The following CCDC152 variants were observed in gnomAD, a reference collection of about 807,000 sequenced individuals.
CCDC152 encodes coiled-coil domain-containing protein 152.
Under a neutral mutation model 38.1 loss-of-function variants are expected in CCDC152, and 37 were observed. The ratio of observed to expected loss-of-function variants is 0.97; its 90% CI spans 0.75 to 1.28. The LOEUF is 1.28. Among genes scored for constraint, CCDC152 ranks in the 50% most tolerant of loss-of-function variants. The probability of loss-of-function intolerance (pLI) is 0.00; values close to 1 mark genes in which losing one functional copy is unlikely to be tolerated. For synonymous variants in CCDC152, 83 were observed against 87.1 expected, an observed-to-expected ratio of 0.95 and a Z score of 0.26; for missense variants, 259 against 292.1, an observed-to-expected ratio of 0.89 and a Z score of 0.83.
Position 42,800,561 on chromosome 5 carries a change from T to C in CCDC152, c.*780T>C. 1 of 834,210 alleles carries C rather than the reference T, an allele frequency of 1.2e-6. No individual in the cohort carries two copies. The highest frequency in any genetic ancestry group is 1.8e-6 in the Non-Finnish European group (1 of 556,700). The allele number at this position is 834,210 out of a possible 1,614,324, so 51.7% of individuals were successfully genotyped here. ...AATATGGTTTGAGTCAATATTTCTA[T>C]GACATAAAATTTAAAATCTGGAAGC... On this transcript the variant is annotated 3_prime_UTR_variant, in exon 9 of 9. Transcript: ENST00000361970.
chr5:42,760,132 G>A lies in CCDC152; in HGVS notation c.87+924G>A, dbSNP rs191259644. ...ATTCTGGCTAACACGGTGAAACCCC[G>A]TCTCTACTTAAAATACAAAAAATTA... is the stretch of plus-strand genomic sequence containing the variant. On this transcript the variant is annotated intron_variant, in intron 2 of 8. Coordinates refer to ENST00000361970, the MANE Select transcript of CCDC152 (RefSeq NM_001134848.2). 2.0e-3 allele frequency among the ~76,000 whole-genome samples: 297 copies of A among 151,964 alleles called. 1 individual carries two copies. Among genetic ancestry groups the A allele is most frequent in the Middle Eastern group, 0.014 (4 of 294 alleles).
At chr5:42,796,577 C>A (rs1202520513) in intron 6 of CCDC152, among the ~76,000 whole-genome samples, 4 of 152,048 alleles carry the variant, frequency 2.6e-5, no homozygotes, top group African/African-American at 9.7e-5. Context: ...ATTTTCCAGG[C>A]CTTTGATGTT....
At chr5:42,779,657 G>A (rs899973081) in intron 5 of CCDC152, 135 bp downstream of exon 5, 7 of 458,268 alleles carry the variant, frequency 1.5e-5, no homozygotes, top group Admixed American at 8.0e-5. Context: ...GGAGATATAC[G>A]TATATATGCC....
chr5:42,797,959 C>T (rs981329397), intron 7 of CCDC152, among the ~76,000 whole-genome samples: 3 of 151,894 alleles, frequency 2.0e-5, no homozygotes, highest in African/African-American at 7.3e-5. Flanking sequence ...ACCAACCAGG[C>T]CAACGTGGTG....
chr5:42,759,011 T>A (rs1405432629), intron 1 of CCDC152, 109 bp from the exon 2 acceptor site: 1 of 700,142 alleles, frequency 1.4e-6, no homozygotes, highest in Admixed American at 3.4e-5. Flanking sequence ...CCCAAGTAGG[T>A]GCCCTATGAG....
In CCDC152 at chr5:42,796,229, C is replaced by T. The variant is rs555590803; in HGVS notation, c.431-600C>T. ...CACATGGTGCACATGTACCCTAAAA[C>T]TTAAAGTATAATAATAATAAAATTA... On this transcript the variant is annotated intron_variant, in intron 6 of 8. Transcript: ENST00000361970. 1.0e-4 allele frequency among the ~76,000 whole-genome samples: 15 copies of T among 149,394 alleles called. No individual in the cohort carries two copies. The East Asian group carries it at 2.0e-3, about 19-fold the overall frequency.
intron 6 of CCDC152, among the ~76,000 whole-genome samples, chr5:42,784,470 GTTGAT>G (rs1389766764): frequency 6.6e-6 from 1 of 152,020 alleles, no homozygotes; most frequent in East Asian, 1.9e-4. Flanking sequence ...TTTTTGTCTT[GTTGAT>G]TTGTTTAACT....
At position 42,801,930 on chromosome 5, in the gene CCDC152, A is replaced by C. The variant is rs1760214772; in HGVS notation, c.*2149A>C. 6.6e-6 allele frequency: 1 copy of C among 152,374 alleles called. No individual in the cohort carries two copies. Among genetic ancestry groups the C allele is most frequent in the Non-Finnish European group, 1.5e-5 (1 of 68,158 alleles). The allele number at this position is 152,374 out of a possible 1,614,324, so 9.4% of individuals were successfully genotyped here. A position where few individuals can be genotyped will look rare whatever the true frequency, so the allele number is the denominator to read the frequency against. ...AGACCCTATCTCAAAAAAATAAAAA[A>C]TAAATAAAAAATCAGTTGAACTATA... On this transcript the variant is annotated 3_prime_UTR_variant, in exon 9 of 9. Coordinates refer to ENST00000361970, the MANE Select transcript of CCDC152 (RefSeq NM_001134848.2).
rs113846987 is a variant in CCDC152, at chr5:42,788,330, C to CA, written c.430+4764dup. Among the ~76,000 whole-genome samples, 451 of 134,806 alleles carry CA rather than the reference C, an allele frequency of 3.3e-3. 4 individuals carry two copies. The highest frequency in any genetic ancestry group is 8.2e-3 in the African/African-American group (301 of 36,572). The allele number at this position is 134,806 out of a possible 152,430, so 88.4% of individuals were successfully genotyped here. Reference sequence around the variant, plus strand: ...TCATTAGACTATTTAAGGTCAATGCCAAAAAAAAAACAAAAAACCCTCAAA... The same window carrying CA: ...TCATTAGACTATTTAAGGTCAATGCCAAAAAAAAAAACAAAAAACCCTCAAA... On this transcript the variant is annotated intron_variant, in intron 6 of 8. Coordinates refer to ENST00000361970, the MANE Select transcript of CCDC152 (RefSeq NM_001134848.2).
At chr5:42,786,738 T>C (rs1022222233) in intron 6 of CCDC152, among the ~76,000 whole-genome samples, 5 of 152,044 alleles carry the variant, frequency 3.3e-5, no homozygotes, top group East Asian at 1.9e-4. Flanking sequence ...AGGTGCAACG[T>C]TGGGTTGTTA....
At chr5:42,793,677 C>T (rs911624567) in intron 6 of CCDC152, among the ~76,000 whole-genome samples, 6 of 152,112 alleles carry the variant, frequency 3.9e-5, no homozygotes, top group South Asian at 4.1e-4. Context: ...GTTGCCATCT[C>T]GGCTCACTGC....
Position 42,785,559 on chromosome 5 carries a change from T to A in CCDC152, c.430+1983T>A, listed in dbSNP as rs572127870. ...TTAGGGCTTTCTAGATGTAGAATCATATTATCAGCAAACAGGTAAAATTGG... is the reference window on the plus strand; with the variant it reads ...TTAGGGCTTTCTAGATGTAGAATCAAATTATCAGCAAACAGGTAAAATTGG... On this transcript the variant is annotated intron_variant, in intron 6 of 8. Coordinates refer to ENST00000361970, the MANE Select transcript of CCDC152 (RefSeq NM_001134848.2). Among the ~76,000 whole-genome samples the A allele has an allele frequency of 4.6e-5, 7 of 152,214 alleles. No individual in the cohort carries two copies. The South Asian group carries it at 1.4e-3, about 32-fold the overall frequency.
At chr5:42,758,165 G>T (rs568428218) in intron 1 of CCDC152, among the ~76,000 whole-genome samples, 5 of 152,230 alleles carry the variant, frequency 3.3e-5, no homozygotes, top group African/African-American at 1.2e-4. Flanking sequence ...AAAAATCTGA[G>T]ATTTAAAAAC....
At chr5:42,765,775 AAACTT>A (rs1438534527) in intron 3 of CCDC152, among the ~76,000 whole-genome samples, 1 of 152,220 alleles carries the variant, frequency 6.6e-6, no homozygotes, top group Non-Finnish European at 1.5e-5. Flanking sequence ...AATGGATTAA[AAACTT>A]AAATCTAAGA....
chr5:42,795,358 C>T (rs1013304958), intron 6 of CCDC152, among the ~76,000 whole-genome samples: 2 of 152,102 alleles, frequency 1.3e-5, no homozygotes, highest in African/African-American at 2.4e-5. Context: ...AATAAAACAA[C>T]AATTCTAAAT....
intron 6 of CCDC152, among the ~76,000 whole-genome samples, chr5:42,794,063 C>G (rs555116917): frequency 1.2e-4 from 19 of 152,212 alleles, no homozygotes; most frequent in Non-Finnish European, 2.4e-4. Context: ...AGCTGGAGAA[C>G]AGGTTAGAAG....
intron 5 of CCDC152, among the ~76,000 whole-genome samples, 199 bp downstream of exon 5, chr5:42,779,721 T>G (rs1051746232): frequency 8.5e-4 from 36 of 42,190 alleles, no homozygotes; most frequent in Non-Finnish European, 1.6e-3. Context: ...TTTTAAGAGT[T>G]TTTTTTTTTT....
intron 4 of CCDC152, among the ~76,000 whole-genome samples, chr5:42,774,758 G>GA (rs1214940458): frequency 1.3e-5 from 2 of 151,522 alleles, no homozygotes; most frequent in East Asian, 3.9e-4. Flanking sequence ...CACACTAAAA[G>GA]AAAAAAAATA....
intron 6 of CCDC152, among the ~76,000 whole-genome samples, chr5:42,785,585 A>G (rs1759910568): frequency 6.6e-6 from 1 of 152,012 alleles, no homozygotes; most frequent in Non-Finnish European, 1.5e-5. Context: ...GTAAAATTGG[A>G]CTTCCCCTTT....
Sources: gnomAD v4.1 joint callset for allele counts (sites outside exome capture counted in the v4.1 genomes callset) on GRCh38, gnomAD v4.1.1 for gene constraint, MANE v1.5 for transcripts, NCBI Gene and HGNC (gene_info 2026-07-23, HGNC 2026-07-21) for gene names.